EIF3F: variants seen among roughly 807,000 people sequenced by gnomAD.
The protein encoded by EIF3F is deubiquitinating enzyme eIF3f.
Under a neutral mutation model 36.0 loss-of-function variants are expected in EIF3F, and 8 were observed. The observed-to-expected ratio is 0.22, with a 90% CI of 0.13 to 0.40. EIF3F has a LOEUF of 0.40. Ranked by LOEUF, EIF3F falls within the 10% of genes least tolerant of loss-of-function variation. The pLI is 1.00. For synonymous variants in EIF3F, 184 were observed against 188.5 expected (o/e 0.98, Z 0.19); for missense variants, 430 against 467.6 (o/e 0.92, Z 0.74).
rs1482114124 is a variant in EIF3F, at chr11:8,001,233, G to C, written c.*5211G>C. ...CAAATTTTAAAAGTTGCTAACACTG[G>C]AATGGCCAGAGTAAGAGGAAACGTG... On this transcript the variant is annotated 3_prime_UTR_variant, in exon 8 of 8. Transcript: ENST00000651655. 1 of 152,164 alleles carries C rather than the reference G, an allele frequency of 6.6e-6. No individual in the cohort carries two copies. Among genetic ancestry groups the C allele is most frequent in the Non-Finnish European group, 1.5e-5 (1 of 68,022 alleles). The allele number at this position is 152,164 out of a possible 1,614,324, so 9.4% of individuals were successfully genotyped here. A position where few individuals can be genotyped will look rare whatever the true frequency, so the allele number is the denominator to read the frequency against.
chr11:7,995,180 G>T (rs370583444), intron 6 of EIF3F, 62 bp downstream of exon 6: 2 of 1,606,398 alleles, frequency 1.2e-6, no homozygotes, highest in Admixed American at 3.3e-5. Flanking sequence ...GATCACTGAG[G>T]CATGTGCTGA....
intron 3 of EIF3F, 109 bp from the exon 4 acceptor site, chr11:7,992,778 G>A (rs1942112489): frequency 7.0e-7 from 1 of 1,418,986 alleles, no homozygotes. Flanking sequence ...GTGTCACTAG[G>A]TGTCCTACCG....
rs369415865 is a variant in EIF3F, at chr11:8,001,802, T to C, written c.*5780T>C. 2 of 152,320 alleles carry C rather than the reference T, an allele frequency of 1.3e-5. No homozygotes were observed. Among genetic ancestry groups the C allele is most frequent in the East Asian group, 3.9e-4 (2 of 5,188 alleles). The allele number at this position is 152,320 out of a possible 1,614,324, so 9.4% of individuals were successfully genotyped here. ...TCTGTATAACTTTTGAATTTTATGC[T>C]GTTAATGTAATTTTTCAAAAAAATA... On this transcript the variant is annotated 3_prime_UTR_variant, in exon 8 of 8. Transcript: ENST00000651655.
intron 1 of EIF3F, among the ~76,000 whole-genome samples, chr11:7,990,611 C>T (rs1465673747): frequency 1.3e-5 from 2 of 152,072 alleles, no homozygotes; most frequent in Non-Finnish European, 2.9e-5. Flanking sequence ...AGTAAGTGGT[C>T]AAGTCTGTTC....
At chr11:7,992,754 G>A (rs990260846) in intron 3 of EIF3F, 133 bp from the exon 4 acceptor site, 11 of 1,117,880 alleles carry the variant, frequency 9.8e-6, no homozygotes, top group Non-Finnish European at 1.5e-5. Flanking sequence ...TGTGTGTATT[G>A]CTCTTGGCAG....
chr11:7,991,903 C>A lies in EIF3F; in HGVS notation c.435+52C>A, dbSNP rs7941782. The stretch of plus-strand genomic sequence containing the variant: ...TGCAGTTTTTAGCTGTTCATTTGCT[C>A]GGCTCCCCTCACGGTCCCTCCCACA... On this transcript the variant is annotated intron_variant, in intron 2 of 7. Transcript: ENST00000651655. 229,836 of 1,603,376 alleles carry A rather than the reference C, an allele frequency of 0.14. 18,674 individuals carry two copies. The highest frequency in any genetic ancestry group is 0.3 in the African/African-American group (22,717 of 74,696).
chr11:7,997,541 A>G lies in EIF3F; in HGVS notation c.*1519A>G, dbSNP rs991576290. The G allele has an allele frequency of 2.6e-5, 4 of 152,240 alleles. No homozygotes were observed. Among genetic ancestry groups the G allele is most frequent in the African/African-American group, 4.8e-5 (2 of 41,466 alleles). 9.4% of individuals were successfully genotyped at this position (152,240 alleles called of 1,614,324 possible). On this transcript the variant is annotated 3_prime_UTR_variant, in exon 8 of 8. Transcript: ENST00000651655. ...CAGTAATTACAATAAATGTATAAGTATTAAACTAGCCCAAGGAAAAATTGA... is the reference window on the plus strand; with the variant it reads ...CAGTAATTACAATAAATGTATAAGTGTTAAACTAGCCCAAGGAAAAATTGA...
In EIF3F at chr11:7,995,015, A is replaced by G. The variant is rs567330284; in HGVS notation, c.779A>G (p.Asn260Ser). Reference sequence around the variant, plus strand: ...ATCATGAAGACCTGCTTTAGCCCCAACAGAGTGATTGGACTCTCAAGTGAC... The same window carrying G: ...ATCATGAAGACCTGCTTTAGCCCCAGCAGAGTGATTGGACTCTCAAGTGAC... ...DLIMKTCFSP[N>S]RVIGLSSDLQ... The change falls in exon 6 of 8, where the codon AAC becomes AGC. Residue 260 changes from asparagine to serine, a missense_variant. Transcript: ENST00000651655. 2.9e-5 allele frequency: 46 copies of G among 1,613,774 alleles called. No individual in the cohort carries two copies. The African/African-American group carries it at 3.6e-4, about 13-fold the overall frequency.
Position 7,987,485 on chromosome 11 carries a change from T to C in EIF3F, c.133T>C (p.Ser45Pro), listed in dbSNP as rs746100232. The C allele has an allele frequency of 7.5e-6, 12 of 1,606,948 alleles. No homozygotes were observed. Among genetic ancestry groups the C allele is most frequent in the Admixed American group, 1.7e-5 (1 of 59,838 alleles). The change falls in exon 1 of 8, where the codon TCA (serine) becomes CCA (proline). Residue 45 changes from serine (S) to proline (P), a missense_variant. Ser to Pro is a moderately conservative substitution (Grantham distance 74, BLOSUM62 -1). This residue lies in a region of EIF3F where 168 missense variants were observed against 120.2 expected (regional missense o/e 1.40). Coordinates refer to ENST00000651655, the MANE Select transcript of EIF3F (RefSeq NM_003754.3). ...AAPVPAAAPA[S>P]SSDPAAAAAA... ...TCCGGTTCCCGCTGCGGCTCCAGCC[T>C]CATCCTCAGACCCTGCGGCAGCAGC...
chr11:7,997,870 T>C lies in EIF3F; in HGVS notation c.*1848T>C, dbSNP rs1942178222. 1 of 152,234 alleles carries C rather than the reference T, an allele frequency of 6.6e-6. No individual in the cohort carries two copies. The allele number at this position is 152,234 out of a possible 1,614,324, so 9.4% of individuals were successfully genotyped here. ...TCTGGACTAAACCTGTACAGACATT[T>C]TTCCTTGTCATTTTTCCCTAAACAA... On this transcript the variant is annotated 3_prime_UTR_variant, in exon 8 of 8. Transcript: ENST00000651655.
chr11:7,990,959 C>T (rs2133668907), intron 1 of EIF3F, among the ~76,000 whole-genome samples: 1 of 152,150 alleles, frequency 6.6e-6, no homozygotes, highest in South Asian at 2.1e-4. Context: ...CTTTGGGAGG[C>T]TGAGGCAGGC....
chr11:7,995,888 C>A, intron 7 of EIF3F, 57 bp from the exon 8 acceptor site: 1 of 1,502,480 alleles, frequency 6.7e-7, no homozygotes, highest in Non-Finnish European at 9.3e-7. Flanking sequence ...CCAAAGCCAG[C>A]CTTTTTGCTC....
In EIF3F at chr11:8,001,365, ACTC is replaced by A. The variant is rs1302191334; in HGVS notation, c.*5347_*5349del. The A allele has an allele frequency of 6.6e-6, 1 of 152,072 alleles. No homozygotes were observed. Among genetic ancestry groups the A allele is most frequent in the Non-Finnish European group, 1.5e-5 (1 of 68,022 alleles). The allele number at this position is 152,072 out of a possible 1,614,324, so 9.4% of individuals were successfully genotyped here. ...TGCATGCCCTTAACCCAGGAATTCC[ACTC>A]CTCATTATATATCCTACAAATAAAC... On this transcript the variant is annotated 3_prime_UTR_variant, in exon 8 of 8. Coordinates refer to ENST00000651655, the MANE Select transcript of EIF3F (RefSeq NM_003754.3).
Position 8,001,133 on chromosome 11 carries a change from A to G in EIF3F, c.*5111A>G, listed in dbSNP as rs1189185598. On this transcript the variant is annotated 3_prime_UTR_variant, in exon 8 of 8. Transcript: ENST00000651655. The stretch of plus-strand genomic sequence containing the variant: ...GACCAGACAGCTCACACACAGACAC[A>G]CAAATGTGAAAAGATGCTTGATCTC... The G allele has an allele frequency of 6.6e-6, 1 of 152,214 alleles. No individual in the cohort carries two copies. Among genetic ancestry groups the G allele is most frequent in the Non-Finnish European group, 1.5e-5 (1 of 68,034 alleles). The allele number at this position is 152,214 out of a possible 1,614,324, so 9.4% of individuals were successfully genotyped here. A position where few individuals can be genotyped will look rare whatever the true frequency, so the allele number is the denominator to read the frequency against.
At chr11:7,994,918 T>A in intron 5 of EIF3F, 64 bp from the exon 6 acceptor site, 1 of 1,592,150 alleles carries the variant, frequency 6.3e-7, no homozygotes, top group Non-Finnish European at 8.6e-7. Flanking sequence ...CCTGGTGGGA[T>A]GACTGAATTC....
intron 6 of EIF3F, 39 bp from the exon 7 acceptor site, chr11:7,995,215 T>C (rs1942146838): frequency 6.2e-7 from 1 of 1,607,822 alleles, no homozygotes; most frequent in Admixed American, 1.7e-5. Flanking sequence ...TCAGTGGTTA[T>C]AATTAACTGC....
In EIF3F at chr11:7,996,638, G is replaced by C. The variant is rs1336278661; in HGVS notation, c.*616G>C. ...TTGAGTTATACTGAGGTCTGCCAGT[G>C]GCTCAATTTAAGCAAAGACTAGATG... is the stretch of plus-strand genomic sequence containing the variant. On this transcript the variant is annotated 3_prime_UTR_variant, in exon 8 of 8. Coordinates refer to ENST00000651655, the MANE Select transcript of EIF3F (RefSeq NM_003754.3). 1 of 152,230 alleles carries C rather than the reference G, an allele frequency of 6.6e-6. No homozygotes were observed. Among genetic ancestry groups the C allele is most frequent in the African/African-American group, 2.4e-5 (1 of 41,444 alleles). The allele number at this position is 152,230 out of a possible 1,614,324, so 9.4% of individuals were successfully genotyped here. A position where few individuals can be genotyped will look rare whatever the true frequency, so the allele number is the denominator to read the frequency against.
intron 7 of EIF3F, chr11:7,995,661 C>T: frequency 1.7e-6 from 1 of 581,612 alleles, no homozygotes; most frequent in East Asian, 2.9e-5. Flanking sequence ...AATGAAAATG[C>T]AATTACTTAT....
Position 7,987,685 on chromosome 11 carries a change from G to C in EIF3F, c.333G>C (p.Glu111Asp), listed in dbSNP as rs757654224. ...SIVDSYERRN[E>D]GAARVIGTLL... ...TGGACAGCTACGAGAGACGCAACGA[G>C]GGTGCTGCCCGAGTTATCGGGACCC... The change falls in exon 1 of 8, where the codon GAG becomes GAC. Residue 111 changes from glutamate to aspartate, a missense_variant. Coordinates refer to ENST00000651655, the MANE Select transcript of EIF3F (RefSeq NM_003754.3). The C allele has an allele frequency of 6.6e-7, 1 of 1,517,600 alleles. No individual in the cohort carries two copies. The highest frequency in any genetic ancestry group is 8.8e-7 in the Non-Finnish European group (1 of 1,135,924). The allele number at this position is 1,517,600 out of a possible 1,614,324, so 94.0% of individuals were successfully genotyped here.
Sources: gnomAD v4.1 joint callset for allele counts (sites outside exome capture counted in the v4.1 genomes callset) on GRCh38, gnomAD v4.1.1 for gene constraint, gnomAD v4.1.1 regional missense constraint, MANE v1.5 for transcripts, NCBI Gene and HGNC (gene_info 2026-07-23, HGNC 2026-07-21) for gene names.